The following RGS10 variants were observed in gnomAD, a reference collection of about 807,000 sequenced individuals.
The protein encoded by RGS10 is regulator of G-protein signalling 10.
Under a neutral mutation model 23.5 loss-of-function variants are expected in RGS10, and 11 were observed. That is an observed-to-expected ratio of 0.47 (90% CI 0.29 to 0.77). The LOEUF (loss-of-function observed/expected upper bound fraction) is 0.77. RGS10 is among the 30% of genes least tolerant of loss of function. The pLI, the probability that RGS10 is intolerant of heterozygous loss-of-function variation, is 0.08. For synonymous variants in RGS10, 77 were observed against 83.2 expected (o/e 0.92, Z 0.41); for missense variants, 180 against 226.3 (o/e 0.80, Z 1.31).
intron 1 of RGS10, among the ~76,000 whole-genome samples, chr10:119,534,280 T>TAAAG: frequency 1.0e-5 from 1 of 99,732 alleles, no homozygotes; most frequent in Non-Finnish European, 2.4e-5. Flanking sequence ...AATAAATAAA[T>TAAAG]AAATAAATAA....
chr10:119,532,911 G>A (rs1157031070), intron 1 of RGS10, among the ~76,000 whole-genome samples: 1 of 151,950 alleles, frequency 6.6e-6, no homozygotes, highest in Non-Finnish European at 1.5e-5. Context: ...ATGGTGGTAT[G>A]GGCCTGTAGG....
chr10:119,530,677 T>C (rs1182128531), intron 1 of RGS10, among the ~76,000 whole-genome samples: 3 of 152,144 alleles, frequency 2.0e-5, no homozygotes, highest in Non-Finnish European at 4.4e-5. Flanking sequence ...ATACAAAACT[T>C]AGCTGGGCAT....
chr10:119,536,596 G>T, intron 1 of RGS10: 1 of 1,201,250 alleles, frequency 8.3e-7, no homozygotes, highest in Non-Finnish European at 1.2e-6. Context: ...GAAAAAACAA[G>T]CCTCAACATC....
At chr10:119,504,321 C>G (rs145769450) in intron 4 of RGS10, among the ~76,000 whole-genome samples, 1,859 of 152,250 alleles carry the variant, frequency 0.012, 39 homozygotes, top group African/African-American at 0.042. Context: ...TCCTGAGTAG[C>G]TGTGATTACA....
intron 1 of RGS10, among the ~76,000 whole-genome samples, chr10:119,542,236 G>C (rs988073878): frequency 1.3e-5 from 2 of 152,218 alleles, no homozygotes; most frequent in African/African-American, 4.8e-5. Flanking sequence ...AGAGCGTCAC[G>C]GAGGGAGAAG....
intron 1 of RGS10, among the ~76,000 whole-genome samples, chr10:119,530,129 C>T (rs1844317503): frequency 1.3e-5 from 2 of 152,140 alleles, no homozygotes; most frequent in African/African-American, 4.8e-5. Context: ...CAGCAAACCA[C>T]CTCTAAATGA....
At chr10:119,500,348 T>C in intron 4 of RGS10, 89 bp from the exon 5 acceptor site, 2 of 1,198,754 alleles carry the variant, frequency 1.7e-6, no homozygotes, top group Non-Finnish European at 2.3e-6. Context: ...ACCTACCATG[T>C]GCCAAAGAAT....
Position 119,527,363 on chromosome 10 carries a change from T to C in RGS10, c.111A>G (p.Lys37=). ...GCAGATTCTCCAGGGATGCCGCCCA[T>C]TTGGCTGTGCTCTTGAGGCTCTGGT... ...SSHQSLKSTA[K]WAASLENLLE... The change falls in exon 2 of 5, where the codon AAA becomes AAG. Residue 37 remains lysine, a synonymous_variant. Coordinates refer to ENST00000369103, the MANE Select transcript of RGS10 (RefSeq NM_001005339.2). The surrounding 1 kb of genome is among the most constrained non-coding windows in gnomAD (Gnocchi z 4.2). The C allele has an allele frequency of 8.7e-6, 14 of 1,614,214 alleles. No individual in the cohort carries two copies. The highest frequency in any genetic ancestry group is 1.2e-5 in the Non-Finnish European group (14 of 1,180,028).
At chr10:119,541,865 C>T (rs991037075) in intron 1 of RGS10, among the ~76,000 whole-genome samples, 1 of 152,252 alleles carries the variant, frequency 6.6e-6, no homozygotes, top group African/African-American at 2.4e-5. Flanking sequence ...ACCCAAAGGC[C>T]TGCACAGGTC....
rs1414524871 is a variant in RGS10, at chr10:119,519,654, T to C, written c.256-4002A>G. Among the ~76,000 whole-genome samples, 446 of 77,154 alleles carry C rather than the reference T, an allele frequency of 5.8e-3. 2 individuals carry two copies. Among genetic ancestry groups the C allele is most frequent in the Non-Finnish European group, 6.8e-3 (264 of 38,650 alleles). The allele number at this position is 77,154 out of a possible 152,430, so 50.6% of individuals were successfully genotyped here. A position where few individuals can be genotyped will look rare whatever the true frequency, so the allele number is the denominator to read the frequency against. On this transcript the variant is annotated intron_variant, in intron 3 of 4. Transcript: ENST00000369103. ...CCCAGCTCCTGTCTCCCTGTCTGTC[T>C]CCCAGCTCCTGTCTCCCTGTCTGCC...
At chr10:119,530,523 T>C (rs906088240) in intron 1 of RGS10, among the ~76,000 whole-genome samples, 1 of 152,100 alleles carries the variant, frequency 6.6e-6, no homozygotes. Context: ...ACCCCATCTC[T>C]ATAAAATATT....
chr10:119,534,495 G>A (rs1844364991), intron 1 of RGS10, among the ~76,000 whole-genome samples: 1 of 146,272 alleles, frequency 6.8e-6, no homozygotes, highest in Non-Finnish European at 1.5e-5. Flanking sequence ...GGAGGCTGAG[G>A]CAGAAGAATT....
At chr10:119,533,957 G>A (rs750543750) in intron 1 of RGS10, among the ~76,000 whole-genome samples, 2 of 151,990 alleles carry the variant, frequency 1.3e-5, no homozygotes, top group Non-Finnish European at 2.9e-5. Context: ...AATAATAATG[G>A]TTAATACTTC....
chr10:119,536,732 G>A (rs1228491951), intron 1 of RGS10, among the ~76,000 whole-genome samples: 1 of 152,212 alleles, frequency 6.6e-6, no homozygotes, highest in Non-Finnish European at 1.5e-5. Flanking sequence ...GCAAAGTCCA[G>A]AAAAAAGAAA....
At chr10:119,510,830 T>C (rs1471434394) in intron 4 of RGS10, among the ~76,000 whole-genome samples, 2 of 152,174 alleles carry the variant, frequency 1.3e-5, no homozygotes, top group Non-Finnish European at 2.9e-5. Context: ...GCCATTCTCC[T>C]GCCTCAGCCT....
rs1054458927 is a variant in RGS10 at position 119,538,502 on chromosome 10, G to T, written c.49+4088C>A. Among the ~76,000 whole-genome samples, 1 of 152,204 alleles carries T rather than the reference G, an allele frequency of 6.6e-6. No homozygotes were observed. The highest frequency in any genetic ancestry group is 1.5e-5 in the Non-Finnish European group (1 of 68,026). On this transcript the variant is annotated intron_variant, in intron 1 of 4. Coordinates refer to ENST00000369103, the MANE Select transcript of RGS10 (RefSeq NM_001005339.2). The surrounding 1 kb of genome is among the most constrained non-coding windows in gnomAD (Gnocchi z 4.5). ...TTGGGACAGGACAAAGGACAGCTGG[G>T]GGAGCAAAGGCACAGAGGGAGTATT...
chr10:119,515,071 C>T (rs1407445074), intron 4 of RGS10, among the ~76,000 whole-genome samples: 1 of 152,194 alleles, frequency 6.6e-6, no homozygotes, highest in Non-Finnish European at 1.5e-5. Context: ...TAATAGCTTA[C>T]AGCATTAGGC....
Position 119,542,597 on chromosome 10 carries a change from C to T in RGS10, c.42G>A (p.Pro14=), listed in dbSNP as rs1202385580. The change falls in exon 1 of 5, where the codon CCG becomes CCA. Residue 14 remains proline, a synonymous_variant. Transcript: ENST00000369103. ...RAVSRLSRKR[P]PSDIHDSDGS... ...GCCCCCGAAGCCGCTTACCTGACGG[C>T]GGCCGCTTCCTGCTCAGCCGGCTCA... 7.0e-7 allele frequency: 1 copy of T among 1,423,440 alleles called. No individual in the cohort carries two copies. The highest frequency in any genetic ancestry group is 1.4e-5 in the South Asian group (1 of 71,364). 88.2% of individuals were successfully genotyped at this position (1,423,440 alleles called of 1,614,324 possible). A position where few individuals can be genotyped will look rare whatever the true frequency, so the allele number is the denominator to read the frequency against.
chr10:119,532,637 C>T (rs1346282921), intron 1 of RGS10, among the ~76,000 whole-genome samples: 14 of 152,086 alleles, frequency 9.2e-5, no homozygotes, highest in Admixed American at 8.5e-4. Context: ...GTCAGGAGTT[C>T]GAGATCAGCC....
Sources: gnomAD v4.1 joint callset for allele counts (sites outside exome capture counted in the v4.1 genomes callset) on GRCh38, gnomAD v4.1.1 for gene constraint, Gnocchi (gnomAD v3.1) non-coding constraint, MANE v1.5 for transcripts, NCBI Gene and HGNC (gene_info 2026-07-23, HGNC 2026-07-21) for gene names.